The following TBC1D12 variants were observed in gnomAD, a reference collection of about 807,000 sequenced individuals.
The protein encoded by TBC1D12 is TBC1 domain family member 12, also known as TBC1 domain family, member 12.
In TBC1D12, 56 loss-of-function variants were observed where a neutral mutation model predicts 86.7. The ratio of observed to expected loss-of-function variants is 0.65; its 90% confidence interval spans 0.52 to 0.81. The LOEUF (loss-of-function observed/expected upper bound fraction) is 0.81, where lower values mean the gene tolerates loss of function less well. Among genes scored for constraint, TBC1D12 ranks in the 30% least tolerant of loss-of-function variants. The pLI, the probability that TBC1D12 is intolerant of heterozygous loss-of-function variation, is 0.00. For missense variants in TBC1D12, 1,023 were observed against 1,038.8 expected (o/e 0.98, Z 0.21); for synonymous variants, 421 against 411.7 (o/e 1.02, Z -0.27).
chr10:94,448,708 G>A (rs1460108181), intron 2 of TBC1D12, among the ~76,000 whole-genome samples: 5 of 152,076 alleles, frequency 3.3e-5, no homozygotes, highest in Admixed American at 6.6e-5. Flanking sequence ...TGAACTCCTG[G>A]GCTTAAGTTA....
At chr10:94,520,536 G>A (rs7087472) in intron 9 of TBC1D12, among the ~76,000 whole-genome samples, 63,392 of 151,460 alleles carry the variant, frequency 0.42, 13,572 homozygotes, top group East Asian at 0.7. Flanking sequence ...GGGCTAAAAG[G>A]GTGAAACTCC....
At chr10:94,518,603 A>G (rs571432493) in intron 9 of TBC1D12, among the ~76,000 whole-genome samples, 75 of 152,342 alleles carry the variant, frequency 4.9e-4, no homozygotes, top group African/African-American at 1.7e-3. Context: ...GCAATACTAC[A>G]TAAACAATGT....
intron 2 of TBC1D12, among the ~76,000 whole-genome samples, chr10:94,442,484 G>A (rs1419603214): frequency 6.6e-6 from 1 of 152,152 alleles, no homozygotes; most frequent in Non-Finnish European, 1.5e-5. Context: ...TCTAAACCAA[G>A]GACTTTGTAA....
intron 1 of TBC1D12, among the ~76,000 whole-genome samples, chr10:94,422,811 A>G (rs1204008155): frequency 6.6e-6 from 1 of 151,994 alleles, no homozygotes; most frequent in Non-Finnish European, 1.5e-5. Flanking sequence ...GCCTCAAGCA[A>G]TCCTCCTGTC....
intron 2 of TBC1D12, among the ~76,000 whole-genome samples, chr10:94,444,721 A>ACCTC (rs1180149620): frequency 1.3e-5 from 2 of 148,470 alleles, no homozygotes; most frequent in African/African-American, 4.9e-5. Flanking sequence ...GAAAGCCAAG[A>ACCTC]CCTCACATTC....
At position 94,531,411 on chromosome 10, in the gene TBC1D12, G is replaced by A. The variant is rs747730750; in HGVS notation, c.2210G>A (p.Ser737Asn). Residue 737 changes from serine (S) to asparagine (N), a missense_variant, in exon 12 of 13, where the codon AGT (serine) becomes AAT (asparagine). Ser to Asn is a conservative substitution (Grantham distance 46). Coordinates refer to ENST00000225235, the MANE Select transcript of TBC1D12 (RefSeq NM_015188.2). The stretch of plus-strand genomic sequence containing the variant: ...GATATCACATCGGAAAAGCTGTTCA[G>A]TTGTATTGCAGCCATTCAGATGCAG... ...PEDITSEKLF[S>N]CIAAIQMQNS... 1 of 1,614,112 alleles carries A rather than the reference G, an allele frequency of 6.2e-7. No homozygotes were observed. Among genetic ancestry groups the A allele is most frequent in the South Asian group, 1.1e-5 (1 of 91,070 alleles).
At chr10:94,494,741 G>A (rs1364115398) in intron 4 of TBC1D12, among the ~76,000 whole-genome samples, 1 of 151,954 alleles carries the variant, frequency 6.6e-6, no homozygotes, top group Non-Finnish European at 1.5e-5. Flanking sequence ...GACAGGTTTC[G>A]CCATATAGGC....
At chr10:94,436,058 T>G (rs2055290762) in intron 1 of TBC1D12, among the ~76,000 whole-genome samples, 1 of 152,164 alleles carries the variant, frequency 6.6e-6, no homozygotes, top group South Asian at 2.1e-4. Context: ...AAAACTGTAA[T>G]GTTATGGTAA....
chr10:94,523,601 G>A (rs1842210896), intron 11 of TBC1D12, among the ~76,000 whole-genome samples: 1 of 151,842 alleles, frequency 6.6e-6, no homozygotes, highest in Non-Finnish European at 1.5e-5. Flanking sequence ...CTTTCTCCAA[G>A]TTTCACATAT....
At chr10:94,443,415 GGACTACAGGTATGTGCC>G (rs1404934407) in intron 2 of TBC1D12, among the ~76,000 whole-genome samples, 1 of 152,094 alleles carries the variant, frequency 6.6e-6, no homozygotes, top group Non-Finnish European at 1.5e-5. Context: ...TGAGAAGCTG[GGACTACAGGTATGTGCC>G]ACCACACCTG....
intron 4 of TBC1D12, among the ~76,000 whole-genome samples, chr10:94,495,828 A>G (rs1168577073): frequency 6.6e-6 from 1 of 152,080 alleles, no homozygotes; most frequent in African/African-American, 2.4e-5. Flanking sequence ...TGTCGGCCAG[A>G]TGCGGTAGCT....
chr10:94,510,297 A>G, intron 8 of TBC1D12, 118 bp downstream of exon 8: 1 of 614,282 alleles, frequency 1.6e-6, no homozygotes, highest in Non-Finnish European at 2.7e-6. Context: ...GAAATTGGGG[A>G]CCCTGTATAA....
At chr10:94,486,660 GA>G (rs1307110028) in intron 3 of TBC1D12, among the ~76,000 whole-genome samples, 1 of 152,128 alleles carries the variant, frequency 6.6e-6, no homozygotes, top group Non-Finnish European at 1.5e-5. Flanking sequence ...TGTGATTGGA[GA>G]AGATGCTTGA....
At chr10:94,475,894 T>TC (rs2055980880) in intron 3 of TBC1D12, among the ~76,000 whole-genome samples, 1 of 152,104 alleles carries the variant, frequency 6.6e-6, no homozygotes, top group Non-Finnish European at 1.5e-5. Context: ...CTGGATCAAT[T>TC]CTTTTTTTTT....
At chr10:94,531,027 T>A (rs1046489214) in intron 11 of TBC1D12, among the ~76,000 whole-genome samples, 175 bp from the exon 12 acceptor site, 1 of 152,036 alleles carries the variant, frequency 6.6e-6, no homozygotes, top group Non-Finnish European at 1.5e-5. Context: ...GCCCAGCTAA[T>A]TTTTGTATTT....
chr10:94,465,935 T>C (rs377144124), intron 2 of TBC1D12, among the ~76,000 whole-genome samples: 4 of 151,158 alleles, frequency 2.6e-5, no homozygotes, highest in East Asian at 3.9e-4. Context: ...TGCGTATATA[T>C]GTATATACGC....
intron 6 of TBC1D12, among the ~76,000 whole-genome samples, chr10:94,503,601 A>G (rs896309736): frequency 6.6e-6 from 1 of 152,070 alleles, no homozygotes; most frequent in Non-Finnish European, 1.5e-5. Flanking sequence ...TGTAATAAAC[A>G]TATTATTTTA....
rs549852888 is a variant in TBC1D12, at chr10:94,436,419, C to A, written c.972-5477C>A. Among the ~76,000 whole-genome samples the A allele has an allele frequency of 2.0e-5, 3 of 152,192 alleles. No individual in the cohort carries two copies. The East Asian group carries it at 5.8e-4, about 30-fold the overall frequency. On this transcript the variant is annotated intron_variant, in intron 1 of 12. Coordinates refer to ENST00000225235, the MANE Select transcript of TBC1D12 (RefSeq NM_015188.2). ...AAAGTGCTGGGATTACAGGTGTGAA[C>A]CACTGTGCCCGCCCAGGTCCTTTAT...
At chr10:94,466,180 G>C (rs1344095765) in intron 2 of TBC1D12, among the ~76,000 whole-genome samples, 1 of 151,856 alleles carries the variant, frequency 6.6e-6, no homozygotes, top group African/African-American at 2.4e-5. Context: ...GTGTACTGCT[G>C]TTTACCTCCT....
Sources: gnomAD v4.1 joint callset for allele counts (sites outside exome capture counted in the v4.1 genomes callset) on GRCh38, gnomAD v4.1.1 for gene constraint, MANE v1.5 for transcripts, NCBI Gene and HGNC (gene_info 2026-07-23, HGNC 2026-07-21) for gene names.